The following NOL4 variants were observed in gnomAD, a reference collection of about 807,000 sequenced individuals.
The protein encoded by NOL4 is cancer/testis antigen 125.
In NOL4, 17 loss-of-function variants were observed where a neutral mutation model predicts 75.9. The observed-to-expected ratio is 0.22, with a 90% confidence interval of 0.15 to 0.34. NOL4 has a LOEUF of 0.34. NOL4 is among the 10% of genes least tolerant of loss of function. The probability of loss-of-function intolerance (pLI) is 1.00; values close to 1 mark genes in which losing one functional copy is unlikely to be tolerated. For missense variants in NOL4, 614 were observed against 793.5 expected (o/e 0.77, Z 2.72); for synonymous variants, 292 against 289.9 (o/e 1.01, Z -0.07).
intron 5 of NOL4, among the ~76,000 whole-genome samples, chr18:34,044,122 A>C (rs1327493630): frequency 6.6e-6 from 1 of 152,030 alleles, no homozygotes; most frequent in African/African-American, 2.4e-5. Context: ...TTTCTTTTAA[A>C]TAGGTACAGA....
chr18:33,950,713 C>A (rs971033242), intron 8 of NOL4, among the ~76,000 whole-genome samples: 1 of 152,100 alleles, frequency 6.6e-6, no homozygotes, highest in African/African-American at 2.4e-5. Flanking sequence ...AATTTGCACA[C>A]AGAAGAAAGA....
chr18:33,945,097 G>C (rs1452914611), intron 8 of NOL4, among the ~76,000 whole-genome samples: 1 of 151,850 alleles, frequency 6.6e-6, no homozygotes, highest in Non-Finnish European at 1.5e-5. Context: ...ATAGGAGTGA[G>C]AGTTTATATC....
At chr18:34,046,467 C>T (rs1429179597) in intron 5 of NOL4, among the ~76,000 whole-genome samples, 1 of 151,460 alleles carries the variant, frequency 6.6e-6, no homozygotes, top group Non-Finnish European at 1.5e-5. Context: ...AAGACATAAG[C>T]ACAGAAGACA....
rs75121238 is a variant in NOL4, at chr18:34,126,036, G to A, written c.414+3835C>T. Among the ~76,000 whole-genome samples the A allele has an allele frequency of 5.3e-3, 807 of 152,052 alleles. 40 individuals are homozygous for A. The East Asian group carries it at 0.12, about 23-fold the overall frequency. ...TCTACCAACACAGAGGCATTAGAGC[G>A]GGCCTAGGAAATTAGATCCATAATT... On this transcript the variant is annotated intron_variant, in intron 2 of 10. Coordinates refer to ENST00000261592, the MANE Select transcript of NOL4 (RefSeq NM_003787.5).
Position 33,957,365 on chromosome 18 carries a change from G to A in NOL4, c.1389C>T (p.Leu463=), listed in dbSNP as rs770918277. 1 of 1,613,510 alleles carries A rather than the reference G, an allele frequency of 6.2e-7. No individual in the cohort carries two copies. Among genetic ancestry groups the A allele is most frequent in the Admixed American group, 1.7e-5 (1 of 59,966 alleles). The change falls in exon 8 of 11, where the codon CTC becomes CTT. Residue 463 remains leucine, a synonymous_variant. Coordinates refer to ENST00000261592, the MANE Select transcript of NOL4 (RefSeq NM_003787.5). ...ERARKRIRTY[L]KSCRRMKRSG... is the part of the protein sequence containing the mutation. ...TTCTTTTCATCCGCCTGCAGGACTT[G>A]AGGTAAGTACGTATACGTTTTCTGG... is the stretch of plus-strand genomic sequence containing the variant.
intron 10 of NOL4, among the ~76,000 whole-genome samples, chr18:33,873,058 A>G (rs1434579606): frequency 6.6e-6 from 1 of 151,948 alleles, no homozygotes; most frequent in African/African-American, 2.4e-5. Flanking sequence ...TAACTGCATA[A>G]TTCCAGTTAC....
chr18:33,941,456 GT>G (rs1002199834), intron 9 of NOL4, among the ~76,000 whole-genome samples: 52 of 152,008 alleles, frequency 3.4e-4, no homozygotes, highest in African/African-American at 1.2e-3. Flanking sequence ...ACTAGCATCT[GT>G]TCTCAAATGG....
chr18:33,976,869 T>C (rs2071527050), intron 6 of NOL4, among the ~76,000 whole-genome samples: 1 of 152,148 alleles, frequency 6.6e-6, no homozygotes, highest in Non-Finnish European at 1.5e-5. Context: ...AAGGAAGTAG[T>C]TTTATATAAA....
intron 5 of NOL4, among the ~76,000 whole-genome samples, chr18:34,032,728 G>A (rs1319683362): frequency 6.6e-6 from 1 of 152,124 alleles, no homozygotes; most frequent in Non-Finnish European, 1.5e-5. Flanking sequence ...ACCAGAATTG[G>A]AGTAAGCCAC....
At chr18:34,126,641 T>G (rs2080403065) in intron 2 of NOL4, among the ~76,000 whole-genome samples, 1 of 152,098 alleles carries the variant, frequency 6.6e-6, no homozygotes, top group Non-Finnish European at 1.5e-5. Flanking sequence ...CCCTGTGATA[T>G]AATACAATTG....
At chr18:33,959,636 ATTTT>A (rs1264781326) in intron 6 of NOL4, among the ~76,000 whole-genome samples, 1 of 152,080 alleles carries the variant, frequency 6.6e-6, no homozygotes, top group African/African-American at 2.4e-5. Flanking sequence ...TATAAAAGAT[ATTTT>A]TTGAGACATC....
At chr18:34,219,488 G>T (rs2037146791) in intron 1 of NOL4, among the ~76,000 whole-genome samples, 2 of 152,188 alleles carry the variant, frequency 1.3e-5, no homozygotes, top group South Asian at 4.1e-4. Context: ...TAAACTGCAA[G>T]TGTGATGTTT....
intron 5 of NOL4, among the ~76,000 whole-genome samples, chr18:34,087,288 A>G (rs2078285895): frequency 6.6e-6 from 1 of 152,098 alleles, no homozygotes; most frequent in Admixed American, 6.6e-5. Flanking sequence ...TCCAACAGTT[A>G]TATCTGTTAA....
chr18:33,891,739 T>C (rs1253425657), intron 9 of NOL4, among the ~76,000 whole-genome samples: 1 of 152,198 alleles, frequency 6.6e-6, no homozygotes, highest in Non-Finnish European at 1.5e-5. Context: ...CTTTGATCTC[T>C]TGTATGGTAG....
intron 9 of NOL4, among the ~76,000 whole-genome samples, chr18:33,895,938 T>C (rs1045162613): frequency 6.6e-6 from 1 of 152,092 alleles, no homozygotes; most frequent in Non-Finnish European, 1.5e-5. Context: ...CTACAGCTGA[T>C]AAACAACTTA....
intron 9 of NOL4, among the ~76,000 whole-genome samples, chr18:33,893,823 G>C (rs1282524199): frequency 6.6e-6 from 1 of 152,068 alleles, no homozygotes; most frequent in Non-Finnish European, 1.5e-5. Context: ...ATGTGATGTG[G>C]TCAGGGCAGG....
At chr18:33,985,884 T>C (rs1045714980) in intron 6 of NOL4, among the ~76,000 whole-genome samples, 3 of 152,096 alleles carry the variant, frequency 2.0e-5, no homozygotes, top group South Asian at 4.1e-4. Flanking sequence ...CCGAGAGTAA[T>C]CAAAGAGCCA....
chr18:34,093,585 T>C lies in NOL4; in HGVS notation c.652A>G (p.Ile218Val), dbSNP rs370334753. The C allele has an allele frequency of 3.3e-5, 52 of 1,586,414 alleles. No homozygotes were observed. Among genetic ancestry groups the C allele is most frequent in the Non-Finnish European group, 4.2e-5 (49 of 1,162,810 alleles). The stretch of plus-strand genomic sequence containing the variant: ...CTCATGTCAAATTCATCACTTTCTA[T>C]TGAACTTTCATCCTGAAAATAGTTT... ...NSQQDEDESS[I>V]ESDEFDMSDS... Residue 218 changes from isoleucine to valine, a missense_variant, in exon 5 of 11, where the codon ATA (isoleucine) becomes GTA (valine). Physicochemically the swap from Ile to Val is conservative, Grantham distance 29 (BLOSUM62 3). This residue lies in a region of NOL4 where 135 missense variants were observed against 220.4 expected (regional missense o/e 0.61). Transcript: ENST00000261592.
At chr18:34,057,561 G>A (rs1420841799) in intron 5 of NOL4, among the ~76,000 whole-genome samples, 1 of 152,114 alleles carries the variant, frequency 6.6e-6, no homozygotes, top group Admixed American at 6.6e-5. Context: ...CTGTTGCCCT[G>A]AAAGATCTGT....
Sources: gnomAD v4.1 joint callset for allele counts (sites outside exome capture counted in the v4.1 genomes callset) on GRCh38, gnomAD v4.1.1 for gene constraint, gnomAD v4.1.1 regional missense constraint, MANE v1.5 for transcripts, NCBI Gene and HGNC (gene_info 2026-07-23, HGNC 2026-07-21) for gene names.